CRHR1: variants seen among roughly 807,000 people sequenced by gnomAD.
The protein encoded by CRHR1 is corticotropin releasing hormone receptor 1.
A neutral mutation model predicts 56.0 loss-of-function variants in CRHR1; 28 were observed. That is an observed-to-expected ratio of 0.50 (90% CI 0.37 to 0.69). CRHR1 has a LOEUF of 0.69. Ranked by LOEUF, CRHR1 falls within the 30% of genes least tolerant of loss-of-function variation. CRHR1 has a pLI of 0.00. For synonymous variants in CRHR1, 195 were observed against 216.5 expected (o/e 0.90, Z 0.87); for missense variants, 376 against 548.0 (o/e 0.69, Z 3.13).
At chr17:45,812,969 T>C (rs949221250) in intron 2 of CRHR1, among the ~76,000 whole-genome samples, 1 of 152,194 alleles carries the variant, frequency 6.6e-6, no homozygotes, top group Non-Finnish European at 1.5e-5. Flanking sequence ...ATTTCCCTTC[T>C]GAGGCCTTGT....
Position 45,830,491 on chromosome 17 carries a change from C to CCT in CRHR1, c.630_631insCT (p.Cys211LeufsTer67). On this transcript the variant is annotated frameshift_variant, in exon 7 of 13. Coordinates refer to ENST00000314537, the MANE Select transcript of CRHR1 (RefSeq NM_004382.5). LOFTEE classifies it high-confidence loss of function. ...ACTTCTTCTGGATGTTCGGCGAGGG[C>CCT]TGCTACCTGCACACAGCCATCGTGC... 6.2e-7 allele frequency: 1 copy of CCT among 1,613,784 alleles called. No homozygotes were observed. The highest frequency in any genetic ancestry group is 8.5e-7 in the Non-Finnish European group (1 of 1,179,982).
intron 2 of CRHR1, 116 bp from the exon 3 acceptor site, chr17:45,816,347 T>C (rs981082703): frequency 1.1e-5 from 16 of 1,392,240 alleles, no homozygotes; most frequent in Non-Finnish European, 1.5e-5. Context: ...ATCCTGTCCC[T>C]AGCTGGTGTG....
chr17:45,818,624 G>A (rs1462102992), intron 3 of CRHR1, among the ~76,000 whole-genome samples: 1 of 152,218 alleles, frequency 6.6e-6, no homozygotes, highest in East Asian at 1.9e-4. Flanking sequence ...TCGACATGGG[G>A]TCAGTCTGTG....
chr17:45,819,598 C>G (rs575142032), intron 3 of CRHR1, among the ~76,000 whole-genome samples: 1 of 152,206 alleles, frequency 6.6e-6, no homozygotes, highest in Non-Finnish European at 1.5e-5. Flanking sequence ...TCCCCTCAGA[C>G]CTCCATGAAA....
Position 45,834,650 on chromosome 17 carries a change from G to A in CRHR1, c.1134G>A (p.Trp378Ter). Residue 378 changes from tryptophan to a stop codon, truncating the protein, a stop_gained, in exon 13 of 13, where the codon TGG (tryptophan) becomes TGA (stop). Coordinates refer to ENST00000314537, the MANE Select transcript of CRHR1 (RefSeq NM_004382.5). LOFTEE classifies it high-confidence loss of function. ...SEVRSAIRKR[W>*]HRWQDKHSIR... The stretch of plus-strand genomic sequence containing the variant: ...TCCGTTCTGCCATCCGGAAGAGGTG[G>A]CACCGGTGGCAGGACAAGCACTCGA... 1 of 1,613,058 alleles carries A rather than the reference G, an allele frequency of 6.2e-7. No homozygotes were observed. Among genetic ancestry groups the A allele is most frequent in the Non-Finnish European group, 8.5e-7 (1 of 1,179,722 alleles).
chr17:45,804,092 T>C (rs998563833), intron 1 of CRHR1, among the ~76,000 whole-genome samples: 6 of 152,210 alleles, frequency 3.9e-5, no homozygotes, highest in African/African-American at 1.4e-4. Flanking sequence ...TCTCCATCTC[T>C]CTGGAGACTG....
chr17:45,807,679 G>A (rs1470317072), intron 2 of CRHR1, among the ~76,000 whole-genome samples: 13 of 152,224 alleles, frequency 8.5e-5, no homozygotes, highest in Non-Finnish European at 1.3e-4. Context: ...CCCAGCTTCT[G>A]GTTGTGGTCT....
chr17:45,811,527 G>A (rs926574898), intron 2 of CRHR1, among the ~76,000 whole-genome samples: 1 of 152,214 alleles, frequency 6.6e-6, no homozygotes, highest in Non-Finnish European at 1.5e-5. Context: ...GGTGACGTGC[G>A]CTGGTGAGTG....
chr17:45,822,705 C>T (rs1029666501), intron 4 of CRHR1, among the ~76,000 whole-genome samples: 2 of 151,916 alleles, frequency 1.3e-5, no homozygotes, highest in African/African-American at 4.8e-5. Flanking sequence ...ACAAAATTAG[C>T]CGGGTGTGGC....
chr17:45,829,464 T>C, intron 5 of CRHR1, 143 bp downstream of exon 5: 2 of 1,364,486 alleles, frequency 1.5e-6, no homozygotes, highest in Non-Finnish European at 1.0e-6. Context: ...GAGTCTCAGG[T>C]CTCTGGGAAC....
intron 4 of CRHR1, chr17:45,826,444 T>C (rs1343702065): frequency 6.6e-6 from 1 of 152,292 alleles, no homozygotes; most frequent in Non-Finnish European, 1.5e-5. Flanking sequence ...TGCATGATGC[T>C]GATGTGGCCG....
chr17:45,833,171 C>A lies in CRHR1; in HGVS notation c.804C>A (p.Thr268=), dbSNP rs79608615. 2.6e-5 allele frequency: 42 copies of A among 1,614,108 alleles called. No individual in the cohort carries two copies. Among genetic ancestry groups the A allele is most frequent in the Non-Finnish European group, 3.4e-5 (40 of 1,180,018 alleles). The change falls in exon 9 of 13, where the codon ACC becomes ACA. Residue 268 remains threonine, a synonymous_variant. Transcript: ENST00000314537. ...TTGGCAAAAGGCCTGGGGTGTACACCGACTACATCTACCAGGGCCCCATGA... is the reference window on the plus strand; with the variant it reads ...TTGGCAAAAGGCCTGGGGTGTACACAGACTACATCTACCAGGGCCCCATGA... The part of the protein sequence containing the change: ...CWFGKRPGVY[T]DYIYQGPMIL...
intron 1 of CRHR1, among the ~76,000 whole-genome samples, chr17:45,797,283 CTTTTTTTTTTTT>C (rs899983592): frequency 4.2e-5 from 4 of 94,920 alleles, no homozygotes; most frequent in East Asian, 6.1e-4. Flanking sequence ...TTCTTTCTTT[CTTTTTTTTTTTT>C]TTTTTTTTTT....
chr17:45,834,492 C>G (rs938743763), intron 12 of CRHR1, 132 bp from the exon 13 acceptor site: 1 of 975,084 alleles, frequency 1.0e-6, no homozygotes, highest in African/African-American at 1.6e-5. Context: ...AGTGTCATCC[C>G]CTACTGAGGA....
intron 1 of CRHR1, among the ~76,000 whole-genome samples, chr17:45,804,215 C>G (rs551234501): frequency 1.7e-4 from 26 of 152,284 alleles, no homozygotes; most frequent in African/African-American, 5.3e-4. Context: ...AACCCCAGTG[C>G]CATCTTGCTG....
chr17:45,823,761 G>C (rs1004256751), intron 4 of CRHR1, among the ~76,000 whole-genome samples: 1 of 152,210 alleles, frequency 6.6e-6, no homozygotes, highest in Non-Finnish European at 1.5e-5. Flanking sequence ...GGCAAGCTTT[G>C]GTTAGCCCCA....
rs754703512 is a variant in CRHR1, at chr17:45,830,163, C to T, written c.504C>T (p.Thr168=). 39 of 1,614,054 alleles carry T rather than the reference C, an allele frequency of 2.4e-5. No individual in the cohort carries two copies. In the Middle Eastern group the frequency reaches 4.9e-4, roughly 20 times the overall value. The stretch of plus-strand genomic sequence containing the variant: ...CCGCCTTCATCCTGCGCAACGCCAC[C>T]TGGTTCGTGGTCCAGCTAACCATGA... ...LISAFILRNA[T]WFVVQLTMSP... is the part of the protein sequence containing the mutation. Residue 168 remains threonine (T), a synonymous_variant, in exon 6 of 13, where the codon ACC becomes ACT. Transcript: ENST00000314537.
chr17:45,792,771 T>TA (rs2061449441), intron 1 of CRHR1, among the ~76,000 whole-genome samples: 1 of 152,300 alleles, frequency 6.6e-6, no homozygotes, highest in African/African-American at 2.4e-5. Context: ...CATGGGGTCT[T>TA]ACAGCTCTTT....
intron 1 of CRHR1, among the ~76,000 whole-genome samples, chr17:45,801,628 C>T (rs946315705): frequency 6.6e-6 from 1 of 152,180 alleles, no homozygotes; most frequent in African/African-American, 2.4e-5. Flanking sequence ...GTGAGTGAAC[C>T]TCGTGCTCTG....
Sources: allele counts gnomAD v4.1 joint callset (sites outside exome capture counted in the v4.1 genomes callset), GRCh38; gene constraint gnomAD v4.1.1; transcripts MANE v1.5; gene names NCBI Gene and HGNC (gene_info 2026-07-23, HGNC 2026-07-21).